Variants in RER1 observed in about 807,000 individuals in gnomAD.
RER1 encodes retention in endoplasmic reticulum sorting receptor 1.
Under a neutral mutation model 28.3 loss-of-function variants are expected in RER1, and 6 were observed. The ratio of observed to expected loss-of-function variants is 0.21; its 90% confidence interval spans 0.12 to 0.42. The LOEUF (loss-of-function observed/expected upper bound fraction) is 0.42, where lower values mean the gene tolerates loss of function less well. Ranked by LOEUF, RER1 falls within the 10% of genes least tolerant of loss-of-function variation. The pLI is 1.00. For missense variants in RER1, 159 were observed against 252.9 expected (o/e 0.63, Z 2.52); for synonymous variants, 110 against 95.9 (o/e 1.15, Z -0.86).
At chr1:2,401,811 G>T in intron 5 of RER1, 1 of 518,574 alleles carries the variant, frequency 1.9e-6, no homozygotes, top group Non-Finnish European at 3.4e-6. Flanking sequence ...CCATGTGCTG[G>T]GACGGGAGGG....
chr1:2,396,177 C>G (rs1299027036), intron 2 of RER1: 4 of 350,634 alleles, frequency 1.1e-5, no homozygotes, highest in African/African-American at 6.3e-5. Flanking sequence ...GGCTGCCGTT[C>G]TGCTCTTGCT....
At chr1:2,396,876 T>C (rs888710607) in intron 2 of RER1, among the ~76,000 whole-genome samples, 1 of 152,232 alleles carries the variant, frequency 6.6e-6, no homozygotes, top group Non-Finnish European at 1.5e-5. Flanking sequence ...TCCTAGGAGA[T>C]TGTTTTGTAA....
Position 2,402,697 on chromosome 1 carries a change from C to T in RER1, c.502-338C>T, listed in dbSNP as rs550804758. Among the ~76,000 whole-genome samples the T allele has an allele frequency of 7.9e-5, 12 of 152,322 alleles. No individual in the cohort carries two copies. The South Asian group carries it at 1.9e-3, about 24-fold the overall frequency. ...GTTAGGGGGAAGTTAGCCGAGACTG[C>T]GGACTGTGCCCTTGACGGTGTGGCC... On this transcript the variant is annotated intron_variant, in intron 6 of 6. Coordinates refer to ENST00000605895, the MANE Select transcript of RER1 (RefSeq NM_007033.5).
chr1:2,403,264 T>A lies in RER1; in HGVS notation c.*140T>A. 1 of 645,218 alleles carries A rather than the reference T, an allele frequency of 1.5e-6. No individual in the cohort carries two copies. The highest frequency in any genetic ancestry group is 2.8e-6 in the Non-Finnish European group (1 of 358,408). 40.0% of individuals were successfully genotyped at this position (645,218 alleles called of 1,614,324 possible). On this transcript the variant is annotated 3_prime_UTR_variant, in exon 7 of 7. Transcript: ENST00000605895. ...AAAAGGAGCTTCAATGATTTGTAAC[T>A]GAAATATCAGGTTCTAGAAGAAACT...
At chr1:2,399,535 T>G in intron 4 of RER1, 21 bp downstream of exon 4, 5 of 1,453,812 alleles carry the variant, frequency 3.4e-6, no homozygotes, top group Non-Finnish European at 4.8e-6. Context: ...GGCTGTGCAC[T>G]GGGCTGTGTG....
intron 6 of RER1, among the ~76,000 whole-genome samples, chr1:2,402,598 C>T (rs937773720): frequency 2.6e-5 from 4 of 152,154 alleles, no homozygotes; most frequent in Admixed American, 6.5e-5. Flanking sequence ...GGGAGAGCCC[C>T]GGCGAGTGCA....
chr1:2,401,820 G>C, intron 5 of RER1: 1 of 535,446 alleles, frequency 1.9e-6, no homozygotes, highest in South Asian at 2.6e-5. Context: ...GGGACGGGAG[G>C]GAGCACTGGT....
rs141839636 is a variant in RER1 at position 2,405,212 on chromosome 1, GTCA to G, written c.*2092_*2094del. On this transcript the variant is annotated 3_prime_UTR_variant, in exon 7 of 7. Transcript: ENST00000605895. Reference sequence around the variant, plus strand: ...GGTTGGTTTCTCTCTGCCCCGTGTGGTCATCAAGTCCTGGGGGATGTGCTCTGC... The same window carrying G: ...GGTTGGTTTCTCTCTGCCCCGTGTGGTCAAGTCCTGGGGGATGTGCTCTGC... The G allele has an allele frequency of 2.9e-3, 604 of 208,556 alleles. 3 individuals carry two copies. The highest frequency in any genetic ancestry group is 0.013 in the African/African-American group (555 of 42,834). The allele number at this position is 208,556 out of a possible 1,614,324, so 12.9% of individuals were successfully genotyped here.
At chr1:2,392,969 T>C (rs1642708421) in intron 1 of RER1, among the ~76,000 whole-genome samples, 2 of 9,838 alleles carry the variant, frequency 2.0e-4, no homozygotes, top group African/African-American at 9.0e-4. Flanking sequence ...GGGGCTTTCT[T>C]AGTCCCGGAG....
intron 3 of RER1, among the ~76,000 whole-genome samples, chr1:2,397,475 G>A (rs910290662): frequency 6.6e-6 from 1 of 152,148 alleles, no homozygotes; most frequent in African/African-American, 2.4e-5. Context: ...CCCTGCCCTG[G>A]GCACGTCCAG....
intron 1 of RER1, among the ~76,000 whole-genome samples, chr1:2,392,606 A>G (rs1423338085): frequency 6.6e-6 from 1 of 152,240 alleles, no homozygotes; most frequent in East Asian, 1.9e-4. Context: ...AAGTACCTTC[A>G]GTGGGCTTTT....
rs1438777414 is a variant in RER1, at chr1:2,404,734, GA to G, written c.*1613del. 1.3e-5 allele frequency: 2 copies of G among 152,306 alleles called. No homozygotes were observed. The highest frequency in any genetic ancestry group is 2.9e-5 in the Non-Finnish European group (2 of 68,056). The allele number at this position is 152,306 out of a possible 1,614,324, so 9.4% of individuals were successfully genotyped here. A position where few individuals can be genotyped will look rare whatever the true frequency, so the allele number is the denominator to read the frequency against. On this transcript the variant is annotated 3_prime_UTR_variant, in exon 7 of 7. Transcript: ENST00000605895. ...TGGCCAGGTGTTTTACGTCAGCAGG[GA>G]AATGTGGCACACGCCCTCGAGGCAT...
Position 2,405,414 on chromosome 1 carries a change from C to CAAAATAAACAAAATAAACA in RER1, c.*2290_*2291insAAAATAAACAAAATAAACA. ...TGGGGCTGTTTTCTCACAATATAAA[C>CAAAATAAACAAAATAAACA]GAATAAAGTGTCTTCTGGCCTACTT... On this transcript the variant is annotated 3_prime_UTR_variant, in exon 7 of 7. Transcript: ENST00000605895. 1 of 420,126 alleles carries CAAAATAAACAAAATAAACA rather than the reference C, an allele frequency of 2.4e-6. No homozygotes were observed. The highest frequency in any genetic ancestry group is 4.5e-6 in the Non-Finnish European group (1 of 222,296). 26.0% of individuals were successfully genotyped at this position (420,126 alleles called of 1,614,324 possible). A position where few individuals can be genotyped will look rare whatever the true frequency, so the allele number is the denominator to read the frequency against.
intron 6 of RER1, 69 bp from the exon 7 acceptor site, chr1:2,402,966 A>G: frequency 7.5e-7 from 1 of 1,337,940 alleles, no homozygotes; most frequent in Non-Finnish European, 1.1e-6. Context: ...TTGGCCGCTC[A>G]GATTTGGGGA....
chr1:2,402,252 C>T lies in RER1; in HGVS notation c.411C>T (p.Phe137=), dbSNP rs35201763. ...TCCTTGTGGCTATGGTCTGTACTTT[C>T]TTCGACGCTTTCAACGTCCCGGTGT... The part of the protein sequence containing the change: ...KGILVAMVCT[F]FDAFNVPVFW... Residue 137 remains phenylalanine, a synonymous_variant, in exon 6 of 7, where the codon TTC becomes TTT. Coordinates refer to ENST00000605895, the MANE Select transcript of RER1 (RefSeq NM_007033.5). 5 of 1,614,242 alleles carry T rather than the reference C, an allele frequency of 3.1e-6. No individual in the cohort carries two copies. Among genetic ancestry groups the T allele is most frequent in the South Asian group, 1.1e-5 (1 of 91,090 alleles).
chr1:2,401,327 T>TC (rs2100406971), intron 5 of RER1, among the ~76,000 whole-genome samples: 1 of 31,618 alleles, frequency 3.2e-5, no homozygotes, highest in Non-Finnish European at 5.7e-5. Flanking sequence ...CCTTCCTGCC[T>TC]CCTCCTCCCT....
intron 5 of RER1, chr1:2,401,843 G>GT: frequency 1.7e-6 from 1 of 584,084 alleles, no homozygotes. Flanking sequence ...CCATGCCACA[G>GT]TGACAAGGTG....
intron 5 of RER1, 151 bp from the exon 6 acceptor site, chr1:2,402,056 C>T: frequency 6.4e-7 from 1 of 1,569,744 alleles, no homozygotes; most frequent in African/African-American, 1.4e-5. Context: ...GCAAAGGGTC[C>T]TGCTGCTGCT....
At position 2,403,733 on chromosome 1, in the gene RER1, AATATAT is replaced by A. The variant is rs1300051473; in HGVS notation, c.*612_*617del. The A allele has an allele frequency of 6.6e-6, 1 of 152,602 alleles. No homozygotes were observed. Among genetic ancestry groups the A allele is most frequent in the African/African-American group, 2.4e-5 (1 of 41,436 alleles). 9.5% of individuals were successfully genotyped at this position (152,602 alleles called of 1,614,324 possible). Reference sequence around the variant, plus strand: ...TTGCTTTTGAGGGCCCGGAATTATAAATATATATTATATTTTAATTGTTTGAGATTA... The same window carrying A: ...TTGCTTTTGAGGGCCCGGAATTATAAATTATATTTTAATTGTTTGAGATTA... On this transcript the variant is annotated 3_prime_UTR_variant, in exon 7 of 7. Transcript: ENST00000605895.
Sources: allele counts gnomAD v4.1 joint callset (sites outside exome capture counted in the v4.1 genomes callset), GRCh38; gene constraint gnomAD v4.1.1; transcripts MANE v1.5; gene names NCBI Gene and HGNC (gene_info 2026-07-23, HGNC 2026-07-21).